ADAMTS6: variants seen among roughly 807,000 people sequenced by gnomAD.
The protein encoded by ADAMTS6 is A disintegrin and metalloproteinase with thrombospondin motifs 6.
In ADAMTS6, 23 loss-of-function variants were observed where a neutral mutation model predicts 144.3. The observed-to-expected ratio is 0.16, with a 90% confidence interval of 0.11 to 0.23. The LOEUF (loss-of-function observed/expected upper bound fraction) is 0.23. Ranked by LOEUF, ADAMTS6 falls within the 10% of genes least tolerant of loss-of-function variation. The pLI, the probability that ADAMTS6 is intolerant of heterozygous loss-of-function variation, is 1.00. For missense variants in ADAMTS6, 999 were observed against 1,379.6 expected (o/e 0.72, Z 4.37); for synonymous variants, 444 against 457.5 (o/e 0.97, Z 0.38).
chr5:65,380,445 G>A (rs886944416), intron 7 of ADAMTS6, among the ~76,000 whole-genome samples: 4 of 151,902 alleles, frequency 2.6e-5, no homozygotes, highest in Non-Finnish European at 5.9e-5. Flanking sequence ...GTGTGGTGGC[G>A]AGCACCCATT....
At chr5:65,169,011 C>T (rs1362936285) in intron 24 of ADAMTS6, among the ~76,000 whole-genome samples, 208 of 125,966 alleles carry the variant, frequency 1.7e-3, no homozygotes, top group Non-Finnish European at 2.9e-3. Flanking sequence ...AAAGCAATGG[C>T]AACAAAAGCC....
intron 20 of ADAMTS6, chr5:65,210,821 A>G: frequency 2.2e-6 from 1 of 464,236 alleles, no homozygotes; most frequent in East Asian, 3.7e-5. Context: ...GTAACTCCAG[A>G]CATGATGGGG....
rs1752985289 is a variant in ADAMTS6, at chr5:65,392,250, AG to A, written c.1074-58166del. Among the ~76,000 whole-genome samples, 42 of 146,964 alleles carry A rather than the reference AG, an allele frequency of 2.9e-4. 1 individual carries two copies. On this transcript the variant is annotated intron_variant, in intron 7 of 24. Transcript: ENST00000381055. Reference sequence around the variant, plus strand: ...CTGATTTCTCCACTACATAAATAGTAGACTTTTTTTCCTTATTGCAATTTAA... The same window carrying A: ...CTGATTTCTCCACTACATAAATAGTAACTTTTTTTCCTTATTGCAATTTAA...
intron 7 of ADAMTS6, among the ~76,000 whole-genome samples, chr5:65,404,882 T>C (rs998872600): frequency 6.6e-5 from 10 of 152,200 alleles, no homozygotes; most frequent in African/African-American, 2.4e-4. Context: ...GATTTGCATT[T>C]CTCTGATGGC....
rs550860121 is a variant in ADAMTS6 at position 65,344,120 on chromosome 5, C to T, written c.1074-10035G>A. ...AGAGATAGCCAGAAATGTCTTTTGCCCTGGCAAAACTGTCCCCACACCATT... is the reference window on the plus strand; with the variant it reads ...AGAGATAGCCAGAAATGTCTTTTGCTCTGGCAAAACTGTCCCCACACCATT... On this transcript the variant is annotated intron_variant, in intron 7 of 24. Transcript: ENST00000381055. Among the ~76,000 whole-genome samples, 3 of 151,812 alleles carry T rather than the reference C, an allele frequency of 2.0e-5. No homozygotes were observed. In the East Asian group the frequency reaches 5.8e-4, roughly 29 times the overall value.
At chr5:65,193,811 A>T (rs1302356305) in intron 21 of ADAMTS6, among the ~76,000 whole-genome samples, 2 of 152,182 alleles carry the variant, frequency 1.3e-5, no homozygotes, top group Non-Finnish European at 2.9e-5. Context: ...CAAAATAAAA[A>T]GTACAGCCAA....
intron 11 of ADAMTS6, among the ~76,000 whole-genome samples, chr5:65,275,419 AGAAAGAAAG>A (rs1762447658): frequency 7.0e-6 from 1 of 142,460 alleles, no homozygotes. Flanking sequence ...AAGAAAGAAA[AGAAAGAAAG>A]AAAGAAAAGA....
intron 7 of ADAMTS6, among the ~76,000 whole-genome samples, chr5:65,389,982 C>A (rs1461556417): frequency 6.6e-6 from 1 of 151,740 alleles, no homozygotes; most frequent in Non-Finnish European, 1.5e-5. Context: ...CTCTCAAAGC[C>A]CAAAATCACA....
intron 24 of ADAMTS6, among the ~76,000 whole-genome samples, chr5:65,164,375 G>A (rs1579930429): frequency 6.6e-6 from 1 of 152,008 alleles, no homozygotes; most frequent in Non-Finnish European, 1.5e-5. Flanking sequence ...GGCTCGGAGG[G>A]TCCTACGCCC....
chr5:65,271,542 T>C (rs1186246048), intron 12 of ADAMTS6, among the ~76,000 whole-genome samples: 7 of 152,168 alleles, frequency 4.6e-5, no homozygotes, highest in Non-Finnish European at 7.3e-5. Context: ...TACGCACATA[T>C]ATGCTATAAG....
chr5:65,465,545 A>C (rs1759931546), intron 3 of ADAMTS6, among the ~76,000 whole-genome samples: 1 of 152,192 alleles, frequency 6.6e-6, no homozygotes, highest in Non-Finnish European at 1.5e-5. Flanking sequence ...AATCCTTGAA[A>C]TAACTGTCTA....
At chr5:65,280,317 ACTTTAG>A (rs1414362221) in intron 11 of ADAMTS6, among the ~76,000 whole-genome samples, 4 of 152,296 alleles carry the variant, frequency 2.6e-5, no homozygotes, top group Middle Eastern at 3.4e-3. Context: ...TTGGATCCAG[ACTTTAG>A]CTTTATCAAT....
intron 14 of ADAMTS6, among the ~76,000 whole-genome samples, chr5:65,257,247 A>C (rs1315411867): frequency 6.6e-6 from 1 of 151,998 alleles, no homozygotes; most frequent in Non-Finnish European, 1.5e-5. Flanking sequence ...CTCAAGACTT[A>C]AGTTCTTTGA....
At chr5:65,170,001 C>G (rs1753509542) in intron 24 of ADAMTS6, among the ~76,000 whole-genome samples, 2 of 151,880 alleles carry the variant, frequency 1.3e-5, no homozygotes, top group South Asian at 2.1e-4. Context: ...CTAACCTGCA[C>G]AATGTGCACA....
chr5:65,401,463 G>C (rs1753912319), intron 7 of ADAMTS6, among the ~76,000 whole-genome samples: 1 of 152,182 alleles, frequency 6.6e-6, no homozygotes, highest in Non-Finnish European at 1.5e-5. Flanking sequence ...CCCTTCTGCT[G>C]CTGGGAACAC....
At chr5:65,341,245 A>G (rs1747791431) in intron 7 of ADAMTS6, among the ~76,000 whole-genome samples, 1 of 152,166 alleles carries the variant, frequency 6.6e-6, no homozygotes, top group Admixed American at 6.6e-5. Flanking sequence ...AAATGCATAA[A>G]TCAAAAAACT....
chr5:65,364,589 C>T (rs1449752909), intron 7 of ADAMTS6, among the ~76,000 whole-genome samples: 6 of 123,390 alleles, frequency 4.9e-5, no homozygotes, highest in Admixed American at 4.5e-4. Flanking sequence ...TTTTTTGGGA[C>T]AGAGCCTTGC....
At chr5:65,462,132 T>C (rs1462460134) in intron 3 of ADAMTS6, among the ~76,000 whole-genome samples, 3 of 152,196 alleles carry the variant, frequency 2.0e-5, no homozygotes, top group Non-Finnish European at 2.9e-5. Flanking sequence ...TAACATAATA[T>C]GCCATTAACA....
At chr5:65,221,940 A>G in intron 18 of ADAMTS6, among the ~76,000 whole-genome samples, 1 of 152,218 alleles carries the variant, frequency 6.6e-6, no homozygotes, top group East Asian at 1.9e-4. Context: ...TGCAAGACCT[A>G]TATACTGAAA....
Sources: allele counts gnomAD v4.1 joint callset (sites outside exome capture counted in the v4.1 genomes callset), GRCh38; gene constraint gnomAD v4.1.1; transcripts MANE v1.5; gene names NCBI Gene and HGNC (gene_info 2026-07-23, HGNC 2026-07-21).